The following EML5 variants were observed in gnomAD, a reference collection of about 807,000 sequenced individuals.
EML5 encodes echinoderm microtubule-associated protein-like 5.
EML5 carries 120 observed loss-of-function variants against 250.0 expected under a neutral mutation model. The ratio of observed to expected loss-of-function variants is 0.48; its 90% CI spans 0.41 to 0.56. EML5 has a LOEUF of 0.56. Ranked by LOEUF, EML5 falls within the 20% of genes least tolerant of loss-of-function variation. EML5 has a pLI of 0.00. For missense variants in EML5, 2,006 were observed against 2,437.6 expected, an observed-to-expected ratio of 0.82 and a Z score of 3.73; for synonymous variants, 771 against 806.5, an observed-to-expected ratio of 0.96 and a Z score of 0.75.
intron 33 of EML5, among the ~76,000 whole-genome samples, chr14:88,631,124 C>T (rs916459428): frequency 3.9e-5 from 6 of 152,160 alleles, no homozygotes; most frequent in Non-Finnish European, 8.8e-5. Flanking sequence ...TTCTGAGGTG[C>T]AGTCTTAGGA....
chr14:88,732,839 G>A (rs2093781905), intron 7 of EML5, among the ~76,000 whole-genome samples: 1 of 152,180 alleles, frequency 6.6e-6, no homozygotes, highest in Admixed American at 6.5e-5. Flanking sequence ...TTGAGACGGA[G>A]TCTGGCTGTT....
Position 88,743,922 on chromosome 14 carries a change from C to T in EML5, c.525+101G>A, listed in dbSNP as rs1309306546. 40 of 591,810 alleles carry T rather than the reference C, an allele frequency of 6.8e-5. No individual in the cohort carries two copies. In the East Asian group the frequency reaches 1.0e-3, roughly 15 times the overall value. The allele number at this position is 591,810 out of a possible 1,614,324, so 36.7% of individuals were successfully genotyped here. On this transcript the variant is annotated intron_variant, in intron 4 of 43. Coordinates refer to ENST00000554922, the MANE Select transcript of EML5 (RefSeq NM_183387.3). The stretch of plus-strand genomic sequence containing the variant: ...AACATTGCCATTTTAAAAATAAGTA[C>T]TATCAAAATTCTGAAAGTAGGCTAA...
intron 4 of EML5, among the ~76,000 whole-genome samples, chr14:88,741,586 G>A (rs1404468049): frequency 6.6e-6 from 1 of 152,076 alleles, no homozygotes; most frequent in Non-Finnish European, 1.5e-5. Flanking sequence ...AACGCCTGTA[G>A]TCTCAGCAAC....
chr14:88,627,967 A>G, intron 33 of EML5, 148 bp from the exon 34 acceptor site: 1 of 825,378 alleles, frequency 1.2e-6, no homozygotes, highest in African/African-American at 1.7e-5. Context: ...AACTAAGGCT[A>G]AATTTAAGAA....
At position 88,647,099 on chromosome 14, in the gene EML5, T is replaced by C. The variant is rs958142027; in HGVS notation, c.4020-144A>G. The C allele has an allele frequency of 4.1e-6, 3 of 724,934 alleles. No individual in the cohort carries two copies. In the East Asian group the frequency reaches 9.9e-5, roughly 24 times the overall value. 44.9% of individuals were successfully genotyped at this position (724,934 alleles called of 1,614,324 possible). On this transcript the variant is annotated intron_variant, in intron 28 of 43. Transcript: ENST00000554922. ...CATAATATTAAAGGCCTGTTGTTTT[T>C]AGTTTATAATCCCAGCACTTTGGGA...
chr14:88,694,211 G>C, intron 17 of EML5, 96 bp downstream of exon 17: 1 of 741,090 alleles, frequency 1.3e-6, no homozygotes, highest in Non-Finnish European at 2.3e-6. Flanking sequence ...TCTATTCCAG[G>C]ATGCAGTCTA....
chr14:88,655,587 C>T (rs2091837430), intron 27 of EML5, among the ~76,000 whole-genome samples: 1 of 152,150 alleles, frequency 6.6e-6, no homozygotes, highest in Non-Finnish European at 1.5e-5. Context: ...ATGACTAAAA[C>T]ACTGACAGCA....
chr14:88,740,625 T>A, intron 4 of EML5, 53 bp from the exon 5 acceptor site: 1 of 1,444,732 alleles, frequency 6.9e-7, no homozygotes, highest in Admixed American at 2.2e-5. Context: ...TAAAATAAAG[T>A]AAAACATTCC....
At chr14:88,715,886 A>C (rs1021486838) in intron 8 of EML5, among the ~76,000 whole-genome samples, 11 of 152,118 alleles carry the variant, frequency 7.2e-5, no homozygotes, top group Admixed American at 2.6e-4. Context: ...CATGTTGACC[A>C]GTGAAGTGGA....
chr14:88,705,803 A>T, intron 11 of EML5: 3 of 655,238 alleles, frequency 4.6e-6, no homozygotes, highest in Non-Finnish European at 8.4e-6. Flanking sequence ...GCTCCTTTAA[A>T]TCCCTTCACT....
At chr14:88,689,030 G>T (rs894133846) in intron 17 of EML5, among the ~76,000 whole-genome samples, 2 of 152,118 alleles carry the variant, frequency 1.3e-5, no homozygotes, top group African/African-American at 4.8e-5. Context: ...ATTCACCAAT[G>T]ATTTGTTATA....
rs568460139 is a variant in EML5 at position 88,702,671 on chromosome 14, C to T, written c.2052-39G>A. The T allele has an allele frequency of 1.2e-5, 17 of 1,424,278 alleles. No individual in the cohort carries two copies. In the African/African-American group the frequency reaches 2.3e-4, roughly 19 times the overall value. 88.2% of individuals were successfully genotyped at this position (1,424,278 alleles called of 1,614,324 possible). ...CAAATCATATATAATTAATTTTGGC[C>T]TTTTATCTGATCAATACAGAATATA... On this transcript the variant is annotated intron_variant, in intron 13 of 43. Coordinates refer to ENST00000554922, the MANE Select transcript of EML5 (RefSeq NM_183387.3).
At chr14:88,707,827 T>C (rs1014334603) in intron 10 of EML5, among the ~76,000 whole-genome samples, 1 of 152,190 alleles carries the variant, frequency 6.6e-6, no homozygotes, top group African/African-American at 2.4e-5. Context: ...GGCTCTTATA[T>C]AGGAATGCAT....
Position 88,685,049 on chromosome 14 carries a change from A to G in EML5, c.2948T>C (p.Val983Ala). Residue 983 changes from valine (V) to alanine (A), a missense_variant, in exon 20 of 44, where the codon GTG (valine) becomes GCG (alanine). This residue lies in a region of EML5 where 1,375 missense variants were observed against 1,590.3 expected (regional missense o/e 0.86). Transcript: ENST00000554922. ...VGTKNGEILEVDKSGPITLLV... is the reference protein window; with the variant it reads ...VGTKNGEILEADKSGPITLLV... Reference sequence around the variant, plus strand: ...AAGTGTTATTGGGCCACTTTTATCCACTTCTAGTATTTCACCATTCTTTGT... The same window carrying G: ...AAGTGTTATTGGGCCACTTTTATCCGCTTCTAGTATTTCACCATTCTTTGT... The G allele has an allele frequency of 6.2e-7, 1 of 1,609,752 alleles. No homozygotes were observed. Among genetic ancestry groups the G allele is most frequent in the Non-Finnish European group, 8.5e-7 (1 of 1,177,918 alleles).
chr14:88,720,158 C>T (rs769679396), intron 8 of EML5, among the ~76,000 whole-genome samples: 3 of 151,986 alleles, frequency 2.0e-5, no homozygotes. Context: ...AGCCTACCAA[C>T]CAAAAAAGGC....
At chr14:88,647,824 T>C (rs1708822615) in intron 28 of EML5, among the ~76,000 whole-genome samples, 1 of 152,186 alleles carries the variant, frequency 6.6e-6, no homozygotes, top group South Asian at 2.1e-4. Flanking sequence ...TTGCCATTCT[T>C]ATTTTTCTGC....
chr14:88,704,903 CTCT>C lies in EML5; in HGVS notation c.2005_2007del (p.Arg669del). 6.2e-7 allele frequency: 1 copy of C among 1,613,254 alleles called. No individual in the cohort carries two copies. The highest frequency in any genetic ancestry group is 8.5e-7 in the Non-Finnish European group (1 of 1,179,512). ...CGAATACTATTTCCTGGAGCCCGCT[CTCT>C]TCTTTTAGAAGTAGCACTTTTTTGT... On this transcript the variant is annotated inframe_deletion, in exon 13 of 44. Transcript: ENST00000554922.
chr14:88,695,813 A>T (rs1388247608), intron 15 of EML5, among the ~76,000 whole-genome samples: 2 of 152,128 alleles, frequency 1.3e-5, no homozygotes, highest in African/African-American at 4.8e-5. Context: ...TCATCATAAG[A>T]AATTTACTGT....
chr14:88,756,090 C>T (rs79599172), intron 1 of EML5, among the ~76,000 whole-genome samples: 2 of 152,002 alleles, frequency 1.3e-5, no homozygotes, highest in Non-Finnish European at 2.9e-5. Context: ...TAAGATGACT[C>T]GGGTTTCTGG....
Sources: allele counts gnomAD v4.1 joint callset (sites outside exome capture counted in the v4.1 genomes callset), GRCh38; gene constraint gnomAD v4.1.1; regional missense constraint gnomAD v4.1.1; transcripts MANE v1.5; gene names NCBI Gene and HGNC (gene_info 2026-07-23, HGNC 2026-07-21).